The following SYNPR variants were observed in gnomAD, a reference collection of about 807,000 sequenced individuals.
SYNPR encodes the protein synaptoporin.
A neutral mutation model predicts 32.9 loss-of-function variants in SYNPR; 23 were observed. The observed-to-expected ratio is 0.70, with a 90% CI of 0.50 to 0.99. The LOEUF is 0.99. SYNPR is among the 50% of genes least tolerant of loss of function. SYNPR has a pLI of 0.00. For missense variants in SYNPR, 318 were observed against 349.3 expected, an observed-to-expected ratio of 0.91 and a Z score of 0.71; for synonymous variants, 146 against 135.9, an observed-to-expected ratio of 1.07 and a Z score of -0.52.
chr3:63,560,952 C>G (rs550307578), intron 4 of SYNPR, among the ~76,000 whole-genome samples: 2 of 152,092 alleles, frequency 1.3e-5, no homozygotes. Context: ...ATTTTGGTTG[C>G]CATCTATTTT....
chr3:63,220,284 C>G, the SYNPR span, among the ~76,000 whole-genome samples: 2 of 152,132 alleles, frequency 1.3e-5, no homozygotes, highest in African/African-American at 4.8e-5. Context: ...AACTATTTTG[C>G]AGATAGTGAT....
At chr3:63,403,277 T>C (rs1444467437) in intron 2 of SYNPR, among the ~76,000 whole-genome samples, 1 of 152,056 alleles carries the variant, frequency 6.6e-6, no homozygotes, top group Non-Finnish European at 1.5e-5. Context: ...TGCCTAAATA[T>C]TGCATAAATG....
chr3:63,503,387 G>A (rs1701521260), intron 3 of SYNPR, among the ~76,000 whole-genome samples: 1 of 152,016 alleles, frequency 6.6e-6, no homozygotes, highest in African/African-American at 2.4e-5. Flanking sequence ...TTTTCTCCAA[G>A]TCTATGGCTT....
At chr3:63,563,685 G>A (rs1027172561) in intron 4 of SYNPR, among the ~76,000 whole-genome samples, 1 of 151,978 alleles carries the variant, frequency 6.6e-6, no homozygotes, top group Non-Finnish European at 1.5e-5. Flanking sequence ...CAAGAAACAT[G>A]TATTTATGGG....
intron 1 of SYNPR, among the ~76,000 whole-genome samples, chr3:63,243,049 G>C (rs958302290): frequency 2.0e-5 from 3 of 151,998 alleles, no homozygotes; most frequent in Non-Finnish European, 4.4e-5. Context: ...AGAAGAAAAA[G>C]CAAGGGAAGT....
intron 2 of SYNPR, among the ~76,000 whole-genome samples, chr3:63,414,567 T>G (rs1044652080): frequency 6.6e-6 from 1 of 152,228 alleles, no homozygotes; most frequent in Non-Finnish European, 1.5e-5. Context: ...TCAGATTGAT[T>G]GCAAAAACTT....
intron 2 of SYNPR, among the ~76,000 whole-genome samples, chr3:63,299,492 C>T (rs1006711036): frequency 1.3e-5 from 2 of 151,964 alleles, no homozygotes; most frequent in African/African-American, 2.4e-5. Context: ...GCTCACAGTT[C>T]GAGGGCCCAG....
chr3:63,238,349 AT>A (rs573490077), intron 1 of SYNPR, among the ~76,000 whole-genome samples: 7 of 150,094 alleles, frequency 4.7e-5, no homozygotes, highest in African/African-American at 7.3e-5. Flanking sequence ...AAATCATTCA[AT>A]TTTTTTTTTC....
intron 3 of SYNPR, among the ~76,000 whole-genome samples, chr3:63,545,050 G>A (rs965870167): frequency 6.6e-6 from 1 of 151,776 alleles, no homozygotes; most frequent in African/African-American, 2.4e-5. Context: ...CATGTGAAAG[G>A]GTAGCGTTCC....
intron 2 of SYNPR, among the ~76,000 whole-genome samples, chr3:63,438,173 T>C (rs1414362079): frequency 1.3e-5 from 2 of 152,210 alleles, no homozygotes; most frequent in East Asian, 1.9e-4. Context: ...TCAGAAAATA[T>C]GTCTTGCACA....
intron 3 of SYNPR, among the ~76,000 whole-genome samples, chr3:63,270,057 A>G (rs1474336607): frequency 2.6e-5 from 4 of 152,230 alleles, no homozygotes; most frequent in South Asian, 4.1e-4. Context: ...TACAAAGAGC[A>G]TAGGATAAAA....
At chr3:63,247,768 T>C (rs1482962355) in intron 1 of SYNPR, among the ~76,000 whole-genome samples, 1 of 152,090 alleles carries the variant, frequency 6.6e-6, no homozygotes, top group Admixed American at 6.6e-5. Context: ...ACCCGCTCTC[T>C]CAGCGAGTCA....
At chr3:63,582,552 G>A (rs1206812895) in intron 4 of SYNPR, among the ~76,000 whole-genome samples, 3 of 152,046 alleles carry the variant, frequency 2.0e-5, no homozygotes, top group East Asian at 3.9e-4. Flanking sequence ...GTTTCATTAA[G>A]CAGTCAATTA....
intron 3 of SYNPR, among the ~76,000 whole-genome samples, chr3:63,511,667 G>T (rs940290950): frequency 1.4e-4 from 21 of 152,044 alleles, no homozygotes; most frequent in African/African-American, 4.8e-4. Flanking sequence ...ATCATATATG[G>T]CCCCATCTGA....
chr3:63,209,227 A>G, the SYNPR span, among the ~76,000 whole-genome samples: 1 of 150,910 alleles, frequency 6.6e-6, no homozygotes, highest in Non-Finnish European at 1.5e-5. Flanking sequence ...TTGAGGCAGG[A>G]GAATGGCATG....
intron 2 of SYNPR, among the ~76,000 whole-genome samples, chr3:63,292,987 G>A (rs556801688): frequency 1.3e-5 from 2 of 152,270 alleles, no homozygotes; most frequent in South Asian, 4.1e-4. Flanking sequence ...GTAGGCTTTG[G>A]CAAGGGGATC....
chr3:63,521,552 A>G lies in SYNPR; in HGVS notation c.210-34991A>G, dbSNP rs965088291. On this transcript the variant is annotated intron_variant, in intron 3 of 5. Transcript: ENST00000478300. ...TTACAGATAAGAAAACAGAAGCACA[A>G]ATTACACCAATAGGGAAGGGTACAT... Among the ~76,000 whole-genome samples, 11 of 152,214 alleles carry G rather than the reference A, an allele frequency of 7.2e-5. No individual in the cohort carries two copies. In the East Asian group the frequency reaches 2.1e-3, roughly 29 times the overall value.
chr3:63,329,363 A>G (rs2087200964), intron 2 of SYNPR, among the ~76,000 whole-genome samples: 1 of 152,142 alleles, frequency 6.6e-6, no homozygotes, highest in Non-Finnish European at 1.5e-5. Flanking sequence ...ACTACCCCAA[A>G]GTGGCACAGC....
chr3:63,542,363 C>A (rs568045434), intron 3 of SYNPR, among the ~76,000 whole-genome samples: 1 of 152,144 alleles, frequency 6.6e-6, no homozygotes, highest in African/African-American at 2.4e-5. Flanking sequence ...TCAGATGCCC[C>A]CTTCGTTGGG....
Sources: gnomAD v4.1 joint callset for allele counts (sites outside exome capture counted in the v4.1 genomes callset) on GRCh38, gnomAD v4.1.1 for gene constraint, MANE v1.5 for transcripts, NCBI Gene and HGNC (gene_info 2026-07-23, HGNC 2026-07-21) for gene names.